WDR70: variants seen among roughly 807,000 people sequenced by gnomAD.
WDR70 encodes the protein WD repeat-containing protein 70.
WDR70 carries 53 observed loss-of-function variants against 88.6 expected under a neutral mutation model. The ratio of observed to expected loss-of-function variants is 0.60; its 90% CI spans 0.48 to 0.75. WDR70 has a LOEUF of 0.75. Among genes scored for constraint, WDR70 ranks in the 30% least tolerant of loss-of-function variants. The pLI is 0.00. For missense variants in WDR70, 610 were observed against 823.2 expected, an observed-to-expected ratio of 0.74 and a Z score of 3.17; for synonymous variants, 280 against 270.0, an observed-to-expected ratio of 1.04 and a Z score of -0.36.
intron 9 of WDR70, among the ~76,000 whole-genome samples, chr5:37,540,612 C>T (rs1033367386): frequency 4.6e-5 from 7 of 152,162 alleles, no homozygotes; most frequent in Admixed American, 2.6e-4. Context: ...GATCTCTTGA[C>T]CTCGTGATCC....
intron 12 of WDR70, among the ~76,000 whole-genome samples, chr5:37,702,611 T>A (rs763132959): frequency 9.2e-5 from 14 of 152,204 alleles, no homozygotes; most frequent in Admixed American, 2.6e-4. Context: ...TGAGTCTTTT[T>A]ATACTTCCTT....
rs187098020 is a variant in WDR70, at chr5:37,553,046, T to C, written c.917+36456T>C. Among the ~76,000 whole-genome samples the C allele has an allele frequency of 3.9e-5, 6 of 152,332 alleles. No homozygotes were observed. The East Asian group carries it at 9.6e-4, about 24-fold the overall frequency. On this transcript the variant is annotated intron_variant, in intron 9 of 17. Coordinates refer to ENST00000265107, the MANE Select transcript of WDR70 (RefSeq NM_018034.4). ...CTCTGCAGATAAGAGGGTGCTTGAA[T>C]CTTCAGTAAGTCCTATTGTCAATTT...
intron 10 of WDR70, among the ~76,000 whole-genome samples, chr5:37,623,797 A>G (rs1178664350): frequency 6.6e-6 from 1 of 152,188 alleles, no homozygotes; most frequent in African/African-American, 2.4e-5. Context: ...GTGTAAGTAC[A>G]CAGCACAGTC....
At chr5:37,486,322 C>T (rs552097706) in intron 8 of WDR70, among the ~76,000 whole-genome samples, 17 of 149,676 alleles carry the variant, frequency 1.1e-4, no homozygotes, top group Non-Finnish European at 1.8e-4. Flanking sequence ...TATGTGTTAG[C>T]GATTTAAACA....
chr5:37,746,061 T>C (rs923790990), intron 17 of WDR70, among the ~76,000 whole-genome samples: 8 of 152,142 alleles, frequency 5.3e-5, no homozygotes, highest in Non-Finnish European at 1.2e-4. Context: ...ATAACTGAAA[T>C]AATAACAAAC....
At chr5:37,682,116 G>C (rs900567172) in intron 10 of WDR70, among the ~76,000 whole-genome samples, 1 of 152,040 alleles carries the variant, frequency 6.6e-6, no homozygotes, top group African/African-American at 2.4e-5. Flanking sequence ...GCTTGTTATT[G>C]GTCTGTTTAG....
At chr5:37,539,741 C>G (rs944453151) in intron 9 of WDR70, among the ~76,000 whole-genome samples, 4 of 152,214 alleles carry the variant, frequency 2.6e-5, no homozygotes, top group African/African-American at 9.6e-5. Context: ...CTTTGTATGC[C>G]TTTGGCGAGT....
chr5:37,491,466 A>G (rs904509107), intron 8 of WDR70, among the ~76,000 whole-genome samples: 2 of 152,198 alleles, frequency 1.3e-5, no homozygotes, highest in African/African-American at 4.8e-5. Context: ...TTTCAACATG[A>G]AAGCAATTCT....
chr5:37,715,346 A>C (rs1157713120), intron 13 of WDR70, among the ~76,000 whole-genome samples: 1 of 151,932 alleles, frequency 6.6e-6, no homozygotes, highest in Admixed American at 6.6e-5. Context: ...GCAAAAAAAA[A>C]AAAAAAAAAA....
chr5:37,630,908 TC>T (rs1744796052), intron 10 of WDR70, among the ~76,000 whole-genome samples: 1 of 152,166 alleles, frequency 6.6e-6, no homozygotes, highest in Non-Finnish European at 1.5e-5. Flanking sequence ...CTGCATGAAT[TC>T]CTGGCATTTC....
intron 10 of WDR70, among the ~76,000 whole-genome samples, chr5:37,663,039 T>G (rs573362888): frequency 1.2e-3 from 176 of 152,326 alleles, no homozygotes; most frequent in African/African-American, 4.1e-3. Flanking sequence ...AATAAACATT[T>G]GCTTCAAATT....
intron 10 of WDR70, among the ~76,000 whole-genome samples, chr5:37,693,853 A>G (rs180747143): frequency 1.2e-4 from 18 of 152,228 alleles, no homozygotes; most frequent in Middle Eastern, 3.4e-3. Flanking sequence ...AAAATAGACA[A>G]TGTATCTAAT....
At chr5:37,660,518 T>G (rs1333964923) in intron 10 of WDR70, among the ~76,000 whole-genome samples, 1 of 152,098 alleles carries the variant, frequency 6.6e-6, no homozygotes, top group Non-Finnish European at 1.5e-5. Flanking sequence ...TATATTTTTT[T>G]GCTGAATTGA....
At chr5:37,500,716 CTTTTTTTT>C (rs550821207) in intron 8 of WDR70, among the ~76,000 whole-genome samples, 21 of 63,290 alleles carry the variant, frequency 3.3e-4, no homozygotes, top group Admixed American at 1.5e-3. Flanking sequence ...TATTTGTTGG[CTTTTTTTT>C]TTTTTTTTTT....
chr5:37,696,979 TA>T (rs1747003367), intron 10 of WDR70, among the ~76,000 whole-genome samples: 1 of 152,254 alleles, frequency 6.6e-6, no homozygotes, highest in Non-Finnish European at 1.5e-5. Context: ...CCAGCTCTAC[TA>T]CTTACTAACT....
intron 9 of WDR70, among the ~76,000 whole-genome samples, chr5:37,543,698 TC>T (rs1741901933): frequency 6.6e-6 from 1 of 151,632 alleles, no homozygotes; most frequent in Non-Finnish European, 1.5e-5. Flanking sequence ...ACCTTTTTTT[TC>T]CTTTAAAAGC....
Position 37,384,660 on chromosome 5 carries a change from CA to C in WDR70, c.175+3002del, listed in dbSNP as rs70978807. 4.7e-3 allele frequency among the ~76,000 whole-genome samples: 282 copies of C among 59,450 alleles called. 1 individual carries two copies. The highest frequency in any genetic ancestry group is 0.016 in the South Asian group (17 of 1,064). 39.0% of individuals were successfully genotyped at this position (59,450 alleles called of 152,430 possible). A position where few individuals can be genotyped will look rare whatever the true frequency, so the allele number is the denominator to read the frequency against. On this transcript the variant is annotated intron_variant, in intron 3 of 17. Coordinates refer to ENST00000265107, the MANE Select transcript of WDR70 (RefSeq NM_018034.4). ...GGGCGACAGAGTGAGACTCTTGTCTCAAAAAAAAAAAAAAAAAAAAAAAAAA... is the reference window on the plus strand; with the variant it reads ...GGGCGACAGAGTGAGACTCTTGTCTCAAAAAAAAAAAAAAAAAAAAAAAAA...
rs772648856 is a variant in WDR70, at chr5:37,726,862, GT to G, written c.1715-13del. Reference sequence around the variant, plus strand: ...TCATGCTCATTCAGTTTCTAATTTGGTTTTTTTTCTTTTGCAATAGGTCGTG... The same window carrying G: ...TCATGCTCATTCAGTTTCTAATTTGGTTTTTTTCTTTTGCAATAGGTCGTG... On this transcript the variant is annotated intron_variant, in intron 16 of 17. Transcript: ENST00000265107. 5.1e-6 allele frequency: 8 copies of G among 1,571,732 alleles called. No homozygotes were observed. The African/African-American group carries it at 8.3e-5, about 16-fold the overall frequency.
chr5:37,655,754 A>G (rs1341880016), intron 10 of WDR70, among the ~76,000 whole-genome samples: 1 of 151,644 alleles, frequency 6.6e-6, no homozygotes, highest in African/African-American at 2.4e-5. Flanking sequence ...TGTATGCTTC[A>G]CGAAGTTCTT....
Sources: gnomAD v4.1 joint callset for allele counts (sites outside exome capture counted in the v4.1 genomes callset) on GRCh38, gnomAD v4.1.1 for gene constraint, MANE v1.5 for transcripts, NCBI Gene and HGNC (gene_info 2026-07-23, HGNC 2026-07-21) for gene names.